WWOX: variants seen among roughly 807,000 people sequenced by gnomAD.
WWOX encodes the protein WW domain containing oxidoreductase, also known as WW domain-containing oxidoreductase.
WWOX carries 69 observed loss-of-function variants against 46.2 expected under a neutral mutation model. The observed-to-expected ratio is 1.49, with a 90% CI of 1.23 to 1.82. WWOX has a LOEUF of 1.82. WWOX is among the 40% of genes most tolerant of loss of function. The probability of loss-of-function intolerance (pLI) is 0.00; values close to 1 mark genes in which losing one functional copy is unlikely to be tolerated. For missense variants in WWOX, 919 were observed against 542.6 expected (o/e 1.69, Z -6.89); for synonymous variants, 359 against 202.6 (o/e 1.77, Z -6.56).
At chr16:78,589,904 C>T (rs1288473576) in intron 8 of WWOX, among the ~76,000 whole-genome samples, 1 of 152,010 alleles carries the variant, frequency 6.6e-6, no homozygotes, top group Non-Finnish European at 1.5e-5. Context: ...AGGGTCTTTA[C>T]TTAGGGAGTT....
chr16:78,566,918 T>C (rs1231649719), intron 8 of WWOX, among the ~76,000 whole-genome samples: 1 of 152,164 alleles, frequency 6.6e-6, no homozygotes, highest in Non-Finnish European at 1.5e-5. Flanking sequence ...GTATTAGTAA[T>C]AGCAGCAGTA....
At chr16:78,763,830 G>A (rs939398735) in intron 8 of WWOX, among the ~76,000 whole-genome samples, 9 of 152,216 alleles carry the variant, frequency 5.9e-5, no homozygotes, top group African/African-American at 1.7e-4. Context: ...GCATAGTAGA[G>A]CTGGCTCTCC....
At chr16:78,724,421 A>G (rs996979656) in intron 8 of WWOX, among the ~76,000 whole-genome samples, 1 of 152,214 alleles carries the variant, frequency 6.6e-6, no homozygotes, top group Non-Finnish European at 1.5e-5. Context: ...AGAAGAAGTT[A>G]AGGTAAATGG....
chr16:78,444,844 C>A (rs1023173929), intron 8 of WWOX, among the ~76,000 whole-genome samples: 2 of 152,128 alleles, frequency 1.3e-5, no homozygotes, highest in East Asian at 1.9e-4. Flanking sequence ...AGGAGCAGTT[C>A]TTTCAATGGA....
chr16:78,998,727 C>G (rs1043790672), intron 8 of WWOX, among the ~76,000 whole-genome samples: 1 of 152,194 alleles, frequency 6.6e-6, no homozygotes, highest in Non-Finnish European at 1.5e-5. Flanking sequence ...ATGTTTTTAA[C>G]TTATACATTG....
intron 8 of WWOX, among the ~76,000 whole-genome samples, chr16:79,090,950 C>T (rs764847765): frequency 3.0e-4 from 46 of 152,254 alleles, no homozygotes; most frequent in Non-Finnish European, 5.3e-4. Context: ...TTCATGCCAC[C>T]GCACCCAGCT....
intron 8 of WWOX, among the ~76,000 whole-genome samples, chr16:79,087,914 G>T (rs997009169): frequency 1.3e-5 from 2 of 152,154 alleles, no homozygotes; most frequent in African/African-American, 4.8e-5. Flanking sequence ...ACTCAAGGAG[G>T]CCTAGGGACC....
intron 8 of WWOX, among the ~76,000 whole-genome samples, chr16:78,523,305 G>C (rs780774011): frequency 8.5e-5 from 13 of 152,310 alleles, no homozygotes; most frequent in Admixed American, 2.0e-4. Flanking sequence ...TTCAAGGTAA[G>C]GTAGACAGCT....
At chr16:78,848,285 G>A (rs941647085) in intron 8 of WWOX, among the ~76,000 whole-genome samples, 2 of 151,322 alleles carry the variant, frequency 1.3e-5, no homozygotes, top group Admixed American at 6.6e-5. Flanking sequence ...CGTTGTTGAT[G>A]TTGTTGTTAA....
chr16:78,238,338 C>G (rs960393620), intron 5 of WWOX: 4 of 152,316 alleles, frequency 2.6e-5, no homozygotes, highest in African/African-American at 9.7e-5. Flanking sequence ...CTCACTTCAT[C>G]ACCCAGGCTG....
chr16:78,527,326 C>T (rs1280781670), intron 8 of WWOX, among the ~76,000 whole-genome samples: 1 of 144,370 alleles, frequency 6.9e-6, no homozygotes, highest in Non-Finnish European at 1.5e-5. Context: ...CAGAGTCTCA[C>T]TCTGTTGCCT....
At chr16:78,871,173 G>GT (rs34322186) in intron 8 of WWOX, among the ~76,000 whole-genome samples, 2,189 of 133,678 alleles carry the variant, frequency 0.016, 33 homozygotes, top group African/African-American at 0.043. Flanking sequence ...CGTGAAGGTT[G>GT]TTTTTTTTTT....
chr16:78,829,317 C>G (rs907694067), intron 8 of WWOX, among the ~76,000 whole-genome samples: 2 of 152,178 alleles, frequency 1.3e-5, no homozygotes, highest in Non-Finnish European at 2.9e-5. Context: ...ACAAGCATCC[C>G]AGGTTGAAGA....
intron 8 of WWOX, among the ~76,000 whole-genome samples, chr16:78,636,845 A>T (rs542227752): frequency 6.6e-6 from 1 of 152,306 alleles, no homozygotes; most frequent in South Asian, 2.1e-4. Context: ...TACGCTCTTC[A>T]TGGTACAGCC....
At chr16:78,527,032 T>A (rs938550185) in intron 8 of WWOX, among the ~76,000 whole-genome samples, 1 of 152,092 alleles carries the variant, frequency 6.6e-6, no homozygotes, top group South Asian at 2.1e-4. Context: ...GGTGTGGTGA[T>A]GCACACCTGT....
chr16:78,521,892 C>CGTCTG (rs1426826800), intron 8 of WWOX, among the ~76,000 whole-genome samples: 1 of 151,738 alleles, frequency 6.6e-6, no homozygotes, highest in Non-Finnish European at 1.5e-5. Flanking sequence ...GGAGGATATT[C>CGTCTG]GTCTGGATTT....
At chr16:78,378,911 C>G (rs905751106) in intron 5 of WWOX, among the ~76,000 whole-genome samples, 3 of 152,172 alleles carry the variant, frequency 2.0e-5, no homozygotes, top group Admixed American at 2.0e-4. Context: ...TTAATTTCTT[C>G]AGAGCTTCCC....
intron 8 of WWOX, among the ~76,000 whole-genome samples, chr16:79,142,823 C>G (rs1358024641): frequency 6.6e-6 from 1 of 152,076 alleles, no homozygotes; most frequent in Non-Finnish European, 1.5e-5. Context: ...CTCAGTCTCC[C>G]AAGTAGCTGG....
intron 8 of WWOX, among the ~76,000 whole-genome samples, chr16:78,881,863 C>T (rs1257349398): frequency 1.3e-5 from 2 of 152,160 alleles, no homozygotes; most frequent in African/African-American, 2.4e-5. Context: ...TGGCTCATGC[C>T]TGTAATCCCA....
Sources: allele counts gnomAD v4.1 joint callset (sites outside exome capture counted in the v4.1 genomes callset), GRCh38; gene constraint gnomAD v4.1.1; transcripts MANE v1.5; gene names NCBI Gene and HGNC (gene_info 2026-07-23, HGNC 2026-07-21).